The following ZMYND11 variants were observed in gnomAD, a reference collection of about 807,000 sequenced individuals.
ZMYND11 encodes zinc finger MYND-type containing 11.
Under a neutral mutation model 84.9 loss-of-function variants are expected in ZMYND11, and 9 were observed. That is an observed-to-expected ratio of 0.11 (90% CI 0.06 to 0.18). ZMYND11 has a LOEUF of 0.18. Among genes scored for constraint, ZMYND11 ranks in the 10% least tolerant of loss-of-function variants. The pLI is 1.00. For synonymous variants in ZMYND11, 250 were observed against 244.1 expected (o/e 1.02, Z -0.23); for missense variants, 409 against 761.0 (o/e 0.54, Z 5.44).
At chr10:226,462 C>T (rs904851615) in intron 4 of ZMYND11, among the ~76,000 whole-genome samples, 1 of 152,144 alleles carries the variant, frequency 6.6e-6, no homozygotes, top group Admixed American at 6.5e-5. Context: ...ATTTCCTCCT[C>T]TTTAATATGT....
At chr10:213,795 G>C (rs1258564848) in intron 3 of ZMYND11, among the ~76,000 whole-genome samples, 1 of 152,058 alleles carries the variant, frequency 6.6e-6, no homozygotes, top group Admixed American at 6.6e-5. Flanking sequence ...TCTCTATGCT[G>C]CCTATTACTG....
intron 1 of ZMYND11, among the ~76,000 whole-genome samples, chr10:142,292 C>T (rs568612761): frequency 6.6e-6 from 1 of 152,200 alleles, no homozygotes; most frequent in African/African-American, 2.4e-5. Flanking sequence ...GGGGTTTCAC[C>T]ATGTTACCCA....
At chr10:240,822 G>T in intron 8 of ZMYND11, 71 bp from the exon 9 acceptor site, 1 of 1,098,856 alleles carries the variant, frequency 9.1e-7, no homozygotes, top group South Asian at 1.4e-5. Context: ...TAATTTACAT[G>T]GATACATTTT....
intron 4 of ZMYND11, among the ~76,000 whole-genome samples, chr10:223,285 C>A (rs1387314952): frequency 6.6e-6 from 1 of 152,104 alleles, no homozygotes. Context: ...GTGATCTGCC[C>A]ACCTGGGCCT....
At chr10:197,643 A>G (rs1942128717) in intron 2 of ZMYND11, among the ~76,000 whole-genome samples, 1 of 152,214 alleles carries the variant, frequency 6.6e-6, no homozygotes, top group African/African-American at 2.4e-5. Flanking sequence ...GGTAAAGTGT[A>G]GCTACTTCTA....
At chr10:228,432 T>C (rs1564418542) in intron 4 of ZMYND11, among the ~76,000 whole-genome samples, 1 of 152,246 alleles carries the variant, frequency 6.6e-6, no homozygotes, top group Non-Finnish European at 1.5e-5. Context: ...GCTTACAACT[T>C]AATGTAGATT....
At chr10:248,096 T>C (rs1281431898) in intron 12 of ZMYND11, among the ~76,000 whole-genome samples, 2 of 152,196 alleles carry the variant, frequency 1.3e-5, no homozygotes, top group Non-Finnish European at 2.9e-5. Flanking sequence ...GAAGCTTATG[T>C]TTATAATTAT....
chr10:149,817 A>G (rs986722490), intron 1 of ZMYND11, among the ~76,000 whole-genome samples: 6 of 152,182 alleles, frequency 3.9e-5, no homozygotes, highest in East Asian at 3.9e-4. Context: ...AATGAAGTAC[A>G]TTATTTCAAC....
At chr10:196,637 A>G (rs1438226248) in intron 2 of ZMYND11, among the ~76,000 whole-genome samples, 3 of 152,220 alleles carry the variant, frequency 2.0e-5, no homozygotes, top group Non-Finnish European at 1.5e-5. Flanking sequence ...TAATATACTA[A>G]GAAGCATTGT....
At chr10:130,847 G>A (rs1369146315), upstream of ZMYND11, among the ~76,000 whole-genome samples, 2 of 152,048 alleles carry the variant, frequency 1.3e-5, no homozygotes, top group African/African-American at 2.4e-5. Context: ...GGCCGGGCAC[G>A]GTGGCTCGCG....
intron 3 of ZMYND11, among the ~76,000 whole-genome samples, chr10:218,711 C>G (rs762108796): frequency 1.3e-5 from 2 of 152,180 alleles, no homozygotes; most frequent in African/African-American, 2.4e-5. Flanking sequence ...TTCACATACG[C>G]TGTTACTCAG....
chr10:222,671 A>C (rs1589065772), intron 4 of ZMYND11, among the ~76,000 whole-genome samples: 1 of 152,100 alleles, frequency 6.6e-6, no homozygotes, highest in Admixed American at 6.5e-5. Context: ...TTCTGATAGA[A>C]GTTTACCCTA....
At position 152,538 on chromosome 10, in the gene ZMYND11, A is replaced by G. The variant is rs190586704; in HGVS notation, c.-20+16979A>G. 3.1e-3 allele frequency among the ~76,000 whole-genome samples: 470 copies of G among 152,352 alleles called. 1 individual carries two copies. Among genetic ancestry groups the G allele is most frequent in the Non-Finnish European group, 5.3e-3 (361 of 68,032 alleles). The stretch of plus-strand genomic sequence containing the variant: ...TATCCTAAATATATATGCACCCAAT[A>G]CAGGAGCACCCAGATTCATAAAGCA... On this transcript the variant is annotated intron_variant, in intron 1 of 14. Transcript: ENST00000381604.
At chr10:181,212 G>A (rs2130730325) in intron 2 of ZMYND11, among the ~76,000 whole-genome samples, 1 of 152,310 alleles carries the variant, frequency 6.6e-6, no homozygotes, top group East Asian at 1.9e-4. Flanking sequence ...GAGAATGGGA[G>A]TAATTTACAA....
At chr10:243,097 G>C (rs932723175) in intron 10 of ZMYND11, among the ~76,000 whole-genome samples, 14 of 152,146 alleles carry the variant, frequency 9.2e-5, no homozygotes, top group African/African-American at 3.4e-4. Flanking sequence ...GTAGGTTAGG[G>C]TAAGTCTTTA....
intron 1 of ZMYND11, among the ~76,000 whole-genome samples, chr10:142,902 G>T (rs1303414856): frequency 1.3e-5 from 2 of 152,196 alleles, no homozygotes; most frequent in African/African-American, 4.8e-5. Context: ...CTGTCACTAT[G>T]GTAGCTCACA....
chr10:243,442 TTATC>T (rs774817426), intron 10 of ZMYND11, among the ~76,000 whole-genome samples: 2 of 151,330 alleles, frequency 1.3e-5, no homozygotes, highest in South Asian at 2.1e-4. Context: ...TTAGAACTTT[TTATC>T]TATATATTTT....
chr10:220,754 A>G (rs946236371), intron 3 of ZMYND11, among the ~76,000 whole-genome samples: 4 of 152,218 alleles, frequency 2.6e-5, no homozygotes, highest in Admixed American at 1.3e-4. Flanking sequence ...AGTTATTACT[A>G]TTCTCTCTGT....
At position 248,628 on chromosome 10, in the gene ZMYND11, T is replaced by G. The variant is rs771557391; in HGVS notation, c.1500+20T>G. 6.3e-7 allele frequency: 1 copy of G among 1,578,798 alleles called. No homozygotes were observed. The highest frequency in any genetic ancestry group is 1.2e-5 in the South Asian group (1 of 86,362). On this transcript the variant is annotated intron_variant, in intron 13 of 14. Transcript: ENST00000381604. ...GAGAAGGTAATGCTTGTCGCCACTG[T>G]GGGTGCCCTGCTGCAGCCGGCACTC...
Sources: gnomAD v4.1 joint callset for allele counts (sites outside exome capture counted in the v4.1 genomes callset) on GRCh38, gnomAD v4.1.1 for gene constraint, MANE v1.5 for transcripts, NCBI Gene and HGNC (gene_info 2026-07-23, HGNC 2026-07-21) for gene names.